UST: variants seen among roughly 807,000 people sequenced by gnomAD.
UST encodes uronyl 2-sulfotransferase.
UST carries 21 observed loss-of-function variants against 45.6 expected under a neutral mutation model. That is an observed-to-expected ratio of 0.46 (90% confidence interval 0.33 to 0.66). The LOEUF (loss-of-function observed/expected upper bound fraction) is 0.66. UST is among the 30% of genes least tolerant of loss of function. The probability of loss-of-function intolerance (pLI) is 0.02; values close to 1 mark genes in which losing one functional copy is unlikely to be tolerated. For synonymous variants in UST, 215 were observed against 200.6 expected (o/e 1.07, Z -0.61); for missense variants, 463 against 512.4 (o/e 0.90, Z 0.93).
At chr6:149,021,535 A>G in intron 7 of UST, 54 bp downstream of exon 7, 1 of 1,587,664 alleles carries the variant, frequency 6.3e-7, no homozygotes, top group Non-Finnish European at 8.6e-7. Flanking sequence ...GTCCAGGGCT[A>G]CTCACCTTGA....
chr6:149,014,438 C>A lies in UST; in HGVS notation c.682-4701C>A, dbSNP rs139319980. Among the ~76,000 whole-genome samples the A allele has an allele frequency of 5.7e-3, 874 of 152,264 alleles. 9 individuals are homozygous for A. The highest frequency in any genetic ancestry group is 0.02 in the African/African-American group (830 of 41,544). On this transcript the variant is annotated intron_variant, in intron 5 of 7. Transcript: ENST00000367463. ...CAGGTCCCAGCTGATGGATGAGGTT[C>A]CAGACAGACCCCACTCCTGGAGACA...
intron 3 of UST, 104 bp downstream of exon 3, chr6:148,941,538 C>CAAAAGTAACT: frequency 7.7e-7 from 1 of 1,302,700 alleles, no homozygotes; most frequent in Non-Finnish European, 1.0e-6. Flanking sequence ...TGAGTGAATA[C>CAAAAGTAACT]CAGAGTTTTG....
chr6:148,910,921 G>A lies in UST; in HGVS notation c.291+23892G>A, dbSNP rs6901186. ...CATTTCTTTCTTCCTTTCTCCTTCC[G>A]GCTGATCCAAGTTCCCAGGGGGCCT... is the stretch of plus-strand genomic sequence containing the variant. On this transcript the variant is annotated intron_variant, in intron 2 of 7. Transcript: ENST00000367463. 3.5e-3 allele frequency among the ~76,000 whole-genome samples: 533 copies of A among 151,958 alleles called. 6 individuals carry two copies. Among genetic ancestry groups the A allele is most frequent in the African/African-American group, 0.012 (501 of 41,444 alleles).
chr6:148,943,649 C>G (rs1780174858), intron 3 of UST, among the ~76,000 whole-genome samples: 4 of 152,144 alleles, frequency 2.6e-5, no homozygotes, highest in Admixed American at 2.6e-4. Flanking sequence ...AGAGACTAGA[C>G]AGTCTTTTAA....
chr6:149,009,821 C>CT (rs60752380), intron 5 of UST, among the ~76,000 whole-genome samples: 3,407 of 143,242 alleles, frequency 0.024, 104 homozygotes, highest in African/African-American at 0.076. Flanking sequence ...TACCTTTTGT[C>CT]TTTTTTTTTT....
At chr6:148,812,654 G>A (rs1777279609) in intron 1 of UST, among the ~76,000 whole-genome samples, 1 of 152,232 alleles carries the variant, frequency 6.6e-6, no homozygotes, top group South Asian at 2.1e-4. Context: ...CTCCCCATAG[G>A]GGTGCTCATG....
chr6:148,800,982 A>G (rs1267919658), intron 1 of UST, among the ~76,000 whole-genome samples: 1 of 152,198 alleles, frequency 6.6e-6, no homozygotes, highest in Non-Finnish European at 1.5e-5. Flanking sequence ...TTCTCTTAAA[A>G]TCAAATTCAA....
chr6:148,784,487 C>T (rs749656266), intron 1 of UST, among the ~76,000 whole-genome samples: 1 of 152,204 alleles, frequency 6.6e-6, no homozygotes, highest in Non-Finnish European at 1.5e-5. Flanking sequence ...TACCCATTCA[C>T]GAGGAACTGT....
At chr6:149,000,422 A>G (rs1781525412) in intron 5 of UST, among the ~76,000 whole-genome samples, 1 of 152,162 alleles carries the variant, frequency 6.6e-6, no homozygotes, top group Admixed American at 6.5e-5. Flanking sequence ...CCACAAAACC[A>G]CTAGAATAAG....
intron 1 of UST, among the ~76,000 whole-genome samples, chr6:148,837,701 C>G (rs6926905): frequency 3.0e-5 from 3 of 100,468 alleles, no homozygotes; most frequent in African/African-American, 1.1e-4. Context: ...TTTTTTTTTT[C>G]TCTCCTTTTT....
chr6:149,056,117 C>CTTTT (rs34191810), intron 7 of UST, among the ~76,000 whole-genome samples: 328 of 81,100 alleles, frequency 4.0e-3, no homozygotes, highest in Middle Eastern at 0.01. Context: ...CTTTTCTTTT[C>CTTTT]TTTTTTTTTT....
chr6:148,860,122 C>A (rs1778281539), intron 1 of UST, among the ~76,000 whole-genome samples: 1 of 152,176 alleles, frequency 6.6e-6, no homozygotes, highest in Non-Finnish European at 1.5e-5. Context: ...TCTTCCTATC[C>A]ATGAGCATGG....
At chr6:148,864,916 A>G (rs534228812) in intron 1 of UST, among the ~76,000 whole-genome samples, 11 of 152,306 alleles carry the variant, frequency 7.2e-5, no homozygotes, top group African/African-American at 2.6e-4. Context: ...ACAAGTGCTA[A>G]TAAAAATTTT....
intron 1 of UST, among the ~76,000 whole-genome samples, chr6:148,833,595 T>C (rs895116000): frequency 1.3e-5 from 2 of 152,194 alleles, no homozygotes; most frequent in Non-Finnish European, 2.9e-5. Flanking sequence ...AAAAAGTATA[T>C]GTTCAAGATG....
intron 7 of UST, among the ~76,000 whole-genome samples, chr6:149,025,578 G>C (rs1479259009): frequency 6.6e-6 from 1 of 152,130 alleles, no homozygotes; most frequent in Non-Finnish European, 1.5e-5. Flanking sequence ...GGCCCCAGCA[G>C]GTTTACTCGG....
chr6:148,778,637 C>A (rs1414902839), intron 1 of UST, among the ~76,000 whole-genome samples: 1 of 152,212 alleles, frequency 6.6e-6, no homozygotes, highest in Non-Finnish European at 1.5e-5. Flanking sequence ...ACAATCCCTG[C>A]ATCAGTGTGG....
chr6:148,889,040 C>T (rs1778963224), intron 2 of UST, among the ~76,000 whole-genome samples: 1 of 152,240 alleles, frequency 6.6e-6, no homozygotes, highest in South Asian at 2.1e-4. Context: ...GCTTCCATCC[C>T]AGGTTCTTTC....
rs117585525 is a variant in UST, at chr6:148,873,848, G to A, written c.248-13138G>A. On this transcript the variant is annotated intron_variant, in intron 1 of 7. Coordinates refer to ENST00000367463, the MANE Select transcript of UST (RefSeq NM_005715.3). Reference sequence around the variant, plus strand: ...TGATGATGAGAATGAGGATGCTGGTGTTTTCAGCCTTGTCTTGTTTTCTTT... The same window carrying A: ...TGATGATGAGAATGAGGATGCTGGTATTTTCAGCCTTGTCTTGTTTTCTTT... Among the ~76,000 whole-genome samples the A allele has an allele frequency of 9.2e-3, 1,406 of 152,354 alleles. 15 individuals are homozygous for A. The highest frequency in any genetic ancestry group is 0.015 in the Non-Finnish European group (1,000 of 68,028).
chr6:148,879,926 T>C (rs1372069816), intron 1 of UST, among the ~76,000 whole-genome samples: 1 of 149,260 alleles, frequency 6.7e-6, no homozygotes, highest in East Asian at 1.9e-4. Context: ...GCAAGATATC[T>C]GACTTTTCTT....
Sources: allele counts gnomAD v4.1 joint callset (sites outside exome capture counted in the v4.1 genomes callset), GRCh38; gene constraint gnomAD v4.1.1; transcripts MANE v1.5; gene names NCBI Gene and HGNC (gene_info 2026-07-23, HGNC 2026-07-21).